The following CHST12 variants were observed in gnomAD, a reference collection of about 807,000 sequenced individuals.
CHST12 encodes the protein carbohydrate (chondroitin 4) sulfotransferase 12.
A neutral mutation model predicts 27.9 loss-of-function variants in CHST12; 23 were observed. The observed-to-expected ratio is 0.82, with a 90% CI of 0.59 to 1.17. CHST12 has a LOEUF of 1.17. Among genes scored for constraint, CHST12 ranks in the 50% most tolerant of loss-of-function variants. CHST12 has a pLI of 0.00. For missense variants in CHST12, 682 were observed against 603.0 expected (o/e 1.13, Z -1.37); for synonymous variants, 322 against 273.0 (o/e 1.18, Z -1.77).
Position 2,433,991 on chromosome 7 carries a change from G to C in CHST12, c.*107G>C. 1 of 852,160 alleles carries C rather than the reference G, an allele frequency of 1.2e-6. No individual in the cohort carries two copies. The highest frequency in any genetic ancestry group is 1.9e-6 in the Non-Finnish European group (1 of 533,630). 52.8% of individuals were successfully genotyped at this position (852,160 alleles called of 1,614,324 possible). ...ATCTGGGCTTCTTGTTCACTCCACT[G>C]CCTCTATCCATTGAGTACTGTATCG... is the stretch of plus-strand genomic sequence containing the variant. On this transcript the variant is annotated 3_prime_UTR_variant, in exon 2 of 2. Coordinates refer to ENST00000618655, the MANE Select transcript of CHST12 (RefSeq NM_018641.5). This position sits in a 1 kb window ranked among gnomAD's most constrained non-coding sequence, Gnocchi z 6.1.
At chr7:2,420,385 T>C (rs1402417173) in intron 1 of CHST12, among the ~76,000 whole-genome samples, 1 of 152,216 alleles carries the variant, frequency 6.6e-6, no homozygotes, top group Non-Finnish European at 1.5e-5. Context: ...AGTAATATTC[T>C]ACTACATGGG....
Position 2,433,197 on chromosome 7 carries a change from C to A in CHST12, c.558C>A (p.Ser186Arg), listed in dbSNP as rs140680045. Residue 186 changes from serine (S) to arginine (R), a missense_variant, in exon 2 of 2, where the codon AGC becomes AGA. Transcript: ENST00000618655. This position sits in a 1 kb window ranked among gnomAD's most constrained non-coding sequence, Gnocchi z 6.1. ...GGAAGCGCGTGATGATCGTGCTGAGCGGAAGCCTGCTGCACCGCGGTGCGC... is the reference window on the plus strand; with the variant it reads ...GGAAGCGCGTGATGATCGTGCTGAGAGGAAGCCTGCTGCACCGCGGTGCGC... ...TNWKRVMIVL[S>R]GSLLHRGAPY... 4.3e-6 allele frequency: 7 copies of A among 1,612,852 alleles called. No homozygotes were observed. Among genetic ancestry groups the A allele is most frequent in the Non-Finnish European group, 4.2e-6 (5 of 1,179,574 alleles).
rs769696583 is a variant in CHST12 at position 2,433,744 on chromosome 7, C to T, written c.1105C>T (p.Arg369Trp). The change falls in exon 2 of 2, where the codon CGG (arginine) becomes TGG (tryptophan). Residue 369 changes from arginine (R) to tryptophan (W), a missense_variant. Transcript: ENST00000618655. This position sits in a 1 kb window ranked among gnomAD's most constrained non-coding sequence, Gnocchi z 6.1. ...DRQLRFPPSY[R>W]NRTASSWEED... is the part of the protein sequence containing the mutation. ...GCAGCTCCGCTTCCCCCCGAGCTAC[C>T]GGAACAGGACCGCCAGCAGCTGGGA... The T allele has an allele frequency of 1.9e-6, 3 of 1,613,866 alleles. No homozygotes were observed. Among genetic ancestry groups the T allele is most frequent in the African/African-American group, 1.3e-5 (1 of 75,058 alleles).
At chr7:2,403,825 T>C (rs1174248089) in intron 1 of CHST12, among the ~76,000 whole-genome samples, 152 bp downstream of exon 1, 1 of 151,448 alleles carries the variant, frequency 6.6e-6, no homozygotes, top group Non-Finnish European at 1.5e-5. Flanking sequence ...GGCTTGGGCC[T>C]GGGTTCGAGT....
rs954324335 is a variant in CHST12, at chr7:2,424,609, G to A, written c.-77-7954G>A. 3.3e-5 allele frequency among the ~76,000 whole-genome samples: 5 copies of A among 152,056 alleles called. No homozygotes were observed. The South Asian group carries it at 6.2e-4, about 19-fold the overall frequency. ...CGCCTGTTTGTGCTTGGATGCCCTC[G>A]GGAACAGAGATCTTACTACAGTTTT... is the stretch of plus-strand genomic sequence containing the variant. On this transcript the variant is annotated intron_variant, in intron 1 of 1. Coordinates refer to ENST00000618655, the MANE Select transcript of CHST12 (RefSeq NM_018641.5).
Position 2,440,035 on chromosome 7 carries a change from T to C in CHST12, c.*6151T>C, listed in dbSNP as rs1782564241. 6.6e-6 allele frequency: 1 copy of C among 152,142 alleles called. No individual in the cohort carries two copies. The highest frequency in any genetic ancestry group is 1.5e-5 in the Non-Finnish European group (1 of 68,058). 9.4% of individuals were successfully genotyped at this position (152,142 alleles called of 1,614,324 possible). The stretch of plus-strand genomic sequence containing the variant: ...GTGCCCAGCAGGAATAATTTCTCAG[T>C]GCATCTCTGATGGGGAGGCTAATGA... On this transcript the variant is annotated 3_prime_UTR_variant, in exon 2 of 2. Transcript: ENST00000618655.
chr7:2,403,598 T>G (rs1583202195), upstream of CHST12: 1 of 147,086 alleles, frequency 6.8e-6, no homozygotes, highest in African/African-American at 2.5e-5. Context: ...GGGCTGCCTC[T>G]GGGGGGTCCG....
chr7:2,411,750 GGGATTACA>G (rs1480000725), intron 1 of CHST12, among the ~76,000 whole-genome samples: 1 of 152,188 alleles, frequency 6.6e-6, no homozygotes, highest in African/African-American at 2.4e-5. Flanking sequence ...CCAAAGTGCT[GGGATTACA>G]GGCGTGAGCC....
intron 1 of CHST12, among the ~76,000 whole-genome samples, chr7:2,426,709 A>G (rs1412619972): frequency 1.3e-5 from 2 of 151,920 alleles, no homozygotes; most frequent in Admixed American, 6.6e-5. Flanking sequence ...AGAGACATAC[A>G]GTCCGGGTGT....
Position 2,423,417 on chromosome 7 carries a change from TGGGGGCCATGGAGAGACAGCAGC to T in CHST12, c.-77-9138_-77-9116del, listed in dbSNP as rs1389774222. Among the ~76,000 whole-genome samples, 13 of 152,148 alleles carry T rather than the reference TGGGGGCCATGGAGAGACAGCAGC, an allele frequency of 8.5e-5. 1 individual carries two copies. The highest frequency in any genetic ancestry group is 7.7e-4 in the East Asian group (4 of 5,184). ...CTGGGAGGGCAGGTGAGGAATGCGGTGGGGGCCATGGAGAGACAGCAGCGGGGGCCGTGGAGAGACAGCAGCAG... is the reference window on the plus strand; with the variant it reads ...CTGGGAGGGCAGGTGAGGAATGCGGTGGGGGCCGTGGAGAGACAGCAGCAG... On this transcript the variant is annotated intron_variant, in intron 1 of 1. Coordinates refer to ENST00000618655, the MANE Select transcript of CHST12 (RefSeq NM_018641.5).
At position 2,444,340 on chromosome 7, in the gene CHST12, C is replaced by G. The variant is rs1337017298; in HGVS notation, c.*10456C>G. 1 of 150,722 alleles carries G rather than the reference C, an allele frequency of 6.6e-6. No homozygotes were observed. The highest frequency in any genetic ancestry group is 2.5e-5 in the African/African-American group (1 of 40,716). 9.3% of individuals were successfully genotyped at this position (150,722 alleles called of 1,614,324 possible). A position where few individuals can be genotyped will look rare whatever the true frequency, so the allele number is the denominator to read the frequency against. On this transcript the variant is annotated 3_prime_UTR_variant, in exon 2 of 2. Coordinates refer to ENST00000618655, the MANE Select transcript of CHST12 (RefSeq NM_018641.5). ...AATTAGCTGGGTGTGGTGGTGGGCA[C>G]CTGTAATCCCAGCTACTGAGGAGGC...
chr7:2,424,472 A>G (rs1214560275), intron 1 of CHST12, among the ~76,000 whole-genome samples: 1 of 152,158 alleles, frequency 6.6e-6, no homozygotes, highest in Non-Finnish European at 1.5e-5. Context: ...AGTGGCTTTT[A>G]GAGTCTAGTC....
At chr7:2,413,723 CTTTTT>C (rs1198072520) in intron 1 of CHST12, among the ~76,000 whole-genome samples, 1 of 104,102 alleles carries the variant, frequency 9.6e-6, no homozygotes, top group Non-Finnish European at 1.9e-5. Flanking sequence ...CAGGTTTTAG[CTTTTT>C]TTTTTTTTTT....
At position 2,417,476 on chromosome 7, in the gene CHST12, G is replaced by A. The variant is rs181295179; in HGVS notation, c.-78+13803G>A. Among the ~76,000 whole-genome samples, 17 of 144,470 alleles carry A rather than the reference G, an allele frequency of 1.2e-4. No homozygotes were observed. The East Asian group carries it at 2.9e-3, about 25-fold the overall frequency. 94.8% of individuals were successfully genotyped at this position (144,470 alleles called of 152,430 possible). A position where few individuals can be genotyped will look rare whatever the true frequency, so the allele number is the denominator to read the frequency against. On this transcript the variant is annotated intron_variant, in intron 1 of 1. Coordinates refer to ENST00000618655, the MANE Select transcript of CHST12 (RefSeq NM_018641.5). The stretch of plus-strand genomic sequence containing the variant: ...GTGATCTTAGCTCACTGCAACCTCC[G>A]CCTCCCAGGTTCAAACTATTCTCCT...
intron 1 of CHST12, among the ~76,000 whole-genome samples, chr7:2,421,132 A>C (rs1781961905): frequency 6.7e-6 from 1 of 150,140 alleles, no homozygotes; most frequent in African/African-American, 2.5e-5. Flanking sequence ...ATCACAGCTC[A>C]CTGCAACCTC....
upstream of CHST12, chr7:2,403,461 G>A (rs1263947043): frequency 6.6e-6 from 1 of 151,754 alleles, no homozygotes; most frequent in Non-Finnish European, 1.5e-5. Flanking sequence ...GGGGCGGGCG[G>A]GCTGGCCGGG....
At chr7:2,431,227 T>C (rs772029240) in intron 1 of CHST12, among the ~76,000 whole-genome samples, 1 of 152,246 alleles carries the variant, frequency 6.6e-6, no homozygotes, top group Non-Finnish European at 1.5e-5. Context: ...TTGAACTGTT[T>C]GTCATTATGT....
At chr7:2,432,522 G>C (rs1022573498) in intron 1 of CHST12, 41 bp from the exon 2 acceptor site, 7 of 1,187,246 alleles carry the variant, frequency 5.9e-6, no homozygotes, top group Admixed American at 2.7e-5. Flanking sequence ...CAGAGCCCCA[G>C]TGCACCTCAG....
chr7:2,410,587 A>G (rs1010799091), intron 1 of CHST12, among the ~76,000 whole-genome samples: 2 of 152,162 alleles, frequency 1.3e-5, no homozygotes, highest in African/African-American at 4.8e-5. Context: ...AGTGCAGGGT[A>G]GAGACTGGGA....
Sources: allele counts gnomAD v4.1 joint callset (sites outside exome capture counted in the v4.1 genomes callset), GRCh38; gene constraint gnomAD v4.1.1; non-coding constraint Gnocchi (gnomAD v3.1); transcripts MANE v1.5; gene names NCBI Gene and HGNC (gene_info 2026-07-23, HGNC 2026-07-21).